Variants in ELP4 observed in about 807,000 individuals in gnomAD.
ELP4 encodes the protein elongator complex protein 4.
Under a neutral mutation model 48.9 loss-of-function variants are expected in ELP4, and 51 were observed. That is an observed-to-expected ratio of 1.04 (90% confidence interval 0.83 to 1.32). The LOEUF is 1.32. ELP4 is among the 40% of genes most tolerant of loss of function. ELP4 has a pLI of 0.00. For missense variants in ELP4, 519 were observed against 514.6 expected (o/e 1.01, Z -0.08); for synonymous variants, 210 against 189.2 (o/e 1.11, Z -0.90).
At chr11:31,684,216 T>TAA (rs199894434) in intron 9 of ELP4, among the ~76,000 whole-genome samples, 1 of 146,780 alleles carries the variant, frequency 6.8e-6, no homozygotes, top group South Asian at 2.2e-4. Flanking sequence ...AAGATAATCT[T>TAA]AAAAAAAAAA....
intron 3 of ELP4, among the ~76,000 whole-genome samples, chr11:31,553,515 T>A (rs1956883406): frequency 6.6e-6 from 1 of 152,062 alleles, no homozygotes; most frequent in African/African-American, 2.4e-5. Flanking sequence ...TACTGAAACA[T>A]CAGCTCTTCC....
chr11:31,587,561 C>A (rs2146569), intron 3 of ELP4, among the ~76,000 whole-genome samples: 97,214 of 152,016 alleles, frequency 0.64, 33,359 homozygotes, highest in Non-Finnish European at 0.76. Context: ...GAGAAATAAT[C>A]TCTCTTGAAC....
At chr11:31,696,433 G>A (rs1026826494) in intron 9 of ELP4, among the ~76,000 whole-genome samples, 7 of 152,174 alleles carry the variant, frequency 4.6e-5, no homozygotes, top group Non-Finnish European at 1.0e-4. Context: ...ATACCCAGTA[G>A]TCATTCAGGA....
At chr11:31,672,532 G>A (rs1945830603) in intron 9 of ELP4, among the ~76,000 whole-genome samples, 1 of 152,206 alleles carries the variant, frequency 6.6e-6, no homozygotes, top group Non-Finnish European at 1.5e-5. Flanking sequence ...GTTCCCACCT[G>A]TAATCCTGGC....
At chr11:31,697,201 C>T (rs190340092) in intron 9 of ELP4, among the ~76,000 whole-genome samples, 8 of 152,172 alleles carry the variant, frequency 5.3e-5, no homozygotes, top group Admixed American at 5.2e-4. Context: ...GACTCCCACA[C>T]AATAAACTGG....
intron 3 of ELP4, among the ~76,000 whole-genome samples, chr11:31,543,546 C>A (rs1159166332): frequency 6.6e-6 from 1 of 152,106 alleles, no homozygotes; most frequent in Non-Finnish European, 1.5e-5. Flanking sequence ...GTCTTGATCT[C>A]CTGACCTCAT....
intron 4 of ELP4, among the ~76,000 whole-genome samples, chr11:31,596,597 A>G (rs944727705): frequency 1.7e-4 from 26 of 152,184 alleles, no homozygotes; most frequent in African/African-American, 5.5e-4. Context: ...GTCAGCAAAT[A>G]CTAAGTATCA....
intron 3 of ELP4, among the ~76,000 whole-genome samples, chr11:31,554,160 T>C (rs1221133759): frequency 6.6e-6 from 1 of 152,226 alleles, no homozygotes; most frequent in Admixed American, 6.5e-5. Flanking sequence ...TGGTCAGTTA[T>C]ATAATTATTT....
intron 9 of ELP4, chr11:31,714,574 T>A (rs1284968986): frequency 1.3e-5 from 5 of 398,102 alleles, no homozygotes; most frequent in Non-Finnish European, 2.2e-5. Context: ...CTATGAAAAA[T>A]TGCTATAATT....
intron 3 of ELP4, among the ~76,000 whole-genome samples, chr11:31,566,283 G>A (rs1185800584): frequency 4.0e-5 from 6 of 151,856 alleles, no homozygotes; most frequent in Admixed American, 6.6e-5. Flanking sequence ...GCTTGAACCC[G>A]GGAGGCAGAG....
At chr11:31,618,081 A>G (rs1031611735) in intron 5 of ELP4, among the ~76,000 whole-genome samples, 1 of 152,082 alleles carries the variant, frequency 6.6e-6, no homozygotes, top group African/African-American at 2.4e-5. Context: ...AACAACCCAG[A>G]TGTCCCTCAA....
At chr11:31,560,652 A>G (rs1565053588) in intron 3 of ELP4, among the ~76,000 whole-genome samples, 2 of 116,120 alleles carry the variant, frequency 1.7e-5, no homozygotes, top group African/African-American at 3.0e-5. Flanking sequence ...TTTATAAAAT[A>G]TATTTTAATT....
intron 5 of ELP4, among the ~76,000 whole-genome samples, chr11:31,622,648 C>A (rs181612797): frequency 2.0e-5 from 3 of 151,688 alleles, no homozygotes; most frequent in Non-Finnish European, 4.4e-5. Flanking sequence ...TTAAAATTAT[C>A]TGATGCAAAT....
intron 9 of ELP4, among the ~76,000 whole-genome samples, chr11:31,770,795 C>T (rs192931612): frequency 1.2e-4 from 15 of 122,168 alleles, no homozygotes; most frequent in Admixed American, 5.8e-4. Context: ...TCTCAGTACT[C>T]GGGAGGCTGA....
chr11:31,645,233 T>C (rs1050544794), intron 7 of ELP4, among the ~76,000 whole-genome samples: 2 of 151,814 alleles, frequency 1.3e-5, no homozygotes, highest in Non-Finnish European at 2.9e-5. Context: ...TGGAAAATTG[T>C]GAAATCTAGG....
Position 31,614,116 on chromosome 11 carries a change from A to G in ELP4, c.653+10209A>G, listed in dbSNP as rs190900797. ...CTTACCTTATATCTCACATCATATT[A>G]TATTTCCATAGAGTTAAAGAGATAA... On this transcript the variant is annotated intron_variant, in intron 5 of 9. Coordinates refer to ENST00000640961, the MANE Select transcript of ELP4 (RefSeq NM_019040.5). 1.6e-4 allele frequency among the ~76,000 whole-genome samples: 24 copies of G among 152,292 alleles called. No homozygotes were observed. The East Asian group carries it at 4.6e-3, about 29-fold the overall frequency.
intron 7 of ELP4, among the ~76,000 whole-genome samples, chr11:31,643,625 A>T (rs1048158879): frequency 2.6e-5 from 4 of 151,688 alleles, no homozygotes; most frequent in African/African-American, 7.3e-5. Context: ...GGCAGTGATT[A>T]AATTTTTATC....
chr11:31,606,250 G>T (rs1957872147), intron 5 of ELP4, among the ~76,000 whole-genome samples: 1 of 151,828 alleles, frequency 6.6e-6, no homozygotes, highest in African/African-American at 2.4e-5. Flanking sequence ...TTCAAAATGG[G>T]TACTTTACCA....
intron 2 of ELP4, among the ~76,000 whole-genome samples, chr11:31,537,689 TTAAAC>T (rs1956523833): frequency 6.6e-6 from 1 of 151,992 alleles, no homozygotes; most frequent in Non-Finnish European, 1.5e-5. Context: ...CTACACACTT[TTAAAC>T]AACCAGATCT....
Sources: allele counts gnomAD v4.1 joint callset (sites outside exome capture counted in the v4.1 genomes callset), GRCh38; gene constraint gnomAD v4.1.1; transcripts MANE v1.5; gene names NCBI Gene and HGNC (gene_info 2026-07-23, HGNC 2026-07-21).